Variants in FCHO1 observed in about 807,000 individuals in gnomAD.
FCHO1 encodes the protein F-BAR domain only protein 1.
Under a neutral mutation model 114.4 loss-of-function variants are expected in FCHO1, and 45 were observed. The observed-to-expected ratio is 0.39, with a 90% confidence interval of 0.31 to 0.50. The LOEUF (loss-of-function observed/expected upper bound fraction) is 0.50. FCHO1 is among the 20% of genes least tolerant of loss of function. FCHO1 has a pLI of 0.77. For synonymous variants in FCHO1, 480 were observed against 488.9 expected, an observed-to-expected ratio of 0.98 and a Z score of 0.24; for missense variants, 1,042 against 1,209.6, an observed-to-expected ratio of 0.86 and a Z score of 2.06.
At chr19:17,766,834 G>C (rs2089357651) in intron 7 of FCHO1, 24 bp downstream of exon 7, 3 of 1,604,276 alleles carry the variant, frequency 1.9e-6, no homozygotes, top group Non-Finnish European at 2.6e-6. Context: ...GCGCCGCCCA[G>C]CGGCTGGGTG....
chr19:17,749,291 G>T (rs2081354979), upstream of FCHO1, among the ~76,000 whole-genome samples: 1 of 152,200 alleles, frequency 6.6e-6, no homozygotes, highest in Non-Finnish European at 1.5e-5. Context: ...ACCTGTGTGT[G>T]TGTTTTTCCC....
chr19:17,780,012 A>C (rs1005916615), intron 20 of FCHO1, among the ~76,000 whole-genome samples: 38 of 151,860 alleles, frequency 2.5e-4, no homozygotes, highest in African/African-American at 6.8e-4. Flanking sequence ...GAAGCCCCCG[A>C]GTCAGAGGGA....
chr19:17,784,006 C>A lies in FCHO1; in HGVS notation c.2094-97C>A. The A allele has an allele frequency of 1.4e-6, 2 of 1,462,446 alleles. No individual in the cohort carries two copies. Among genetic ancestry groups the A allele is most frequent in the Non-Finnish European group, 1.9e-6 (2 of 1,072,642 alleles). The allele number at this position is 1,462,446 out of a possible 1,614,324, so 90.6% of individuals were successfully genotyped here. A position where few individuals can be genotyped will look rare whatever the true frequency, so the allele number is the denominator to read the frequency against. ...AGGGCTTTGCTGGGCCCAGGGTGGG[C>A]CAGGAAATTGCATCTTTAGGAAGGG... On this transcript the variant is annotated intron_variant, in intron 24 of 28. Transcript: ENST00000596536. This position sits in a 1 kb window ranked among gnomAD's most constrained non-coding sequence, Gnocchi z 5.3.
intron 13 of FCHO1, 65 bp downstream of exon 13, chr19:17,774,543 A>T: frequency 7.5e-7 from 1 of 1,333,156 alleles, no homozygotes; most frequent in Non-Finnish European, 1.1e-6. Flanking sequence ...TGCCCAGGCT[A>T]TCCCAGAAGT....
chr19:17,786,666 G>GGGGGGGGGGGCA, intron 27 of FCHO1, 37 bp downstream of exon 27: 1 of 497,000 alleles, frequency 2.0e-6, no homozygotes. Flanking sequence ...GGGTGGGAGG[G>GGGGGGGGGGGCA]ACTGGGGTCA....
chr19:17,769,739 A>G (rs907077164), intron 7 of FCHO1, among the ~76,000 whole-genome samples: 7 of 152,232 alleles, frequency 4.6e-5, no homozygotes, highest in African/African-American at 1.7e-4. Flanking sequence ...GTATCACAGT[A>G]ATAATTGGGG....
intron 5 of FCHO1, among the ~76,000 whole-genome samples, chr19:17,763,259 C>G (rs2087119856): frequency 1.0e-5 from 1 of 96,042 alleles, no homozygotes; most frequent in African/African-American, 3.5e-5. Flanking sequence ...CCACATCTGG[C>G]TTTTTTTTTT....
intron 3 of FCHO1, 157 bp from the exon 4 acceptor site, chr19:17,754,961 G>A: frequency 1.6e-6 from 1 of 625,170 alleles, no homozygotes; most frequent in South Asian, 1.7e-5. Flanking sequence ...GACCAGCACT[G>A]GGGCTGAATT....
At position 17,783,016 on chromosome 19, in the gene FCHO1, G is replaced by A. The variant is rs2147368880; in HGVS notation, c.1938-1G>A. 3.7e-6 allele frequency: 6 copies of A among 1,613,978 alleles called. No individual in the cohort carries two copies. Among genetic ancestry groups the A allele is most frequent in the East Asian group, 2.2e-5 (1 of 44,870 alleles). ...ACACCCAGTCCCCTCATCCTCCCTA[G>A]CTGCCTGGCTCGAGTAACTGGGGAG... On this transcript the variant is annotated splice_acceptor_variant, in intron 23 of 28. Transcript: ENST00000596536. LOFTEE classifies it high-confidence loss of function.
At chr19:17,778,954 C>T in intron 20 of FCHO1, 70 bp downstream of exon 20, 1 of 1,429,484 alleles carries the variant, frequency 7.0e-7, no homozygotes, top group Non-Finnish European at 9.2e-7. Flanking sequence ...CTGCTTTGGG[C>T]AGGGCCTGAT....
rs924032126 is a variant in FCHO1, at chr19:17,751,749, C to T, written c.-183+172C>T. Among the ~76,000 whole-genome samples the T allele has an allele frequency of 5.3e-5, 8 of 152,374 alleles. No individual in the cohort carries two copies. The highest frequency in any genetic ancestry group is 5.9e-5 in the Non-Finnish European group (4 of 68,042). Reference sequence around the variant, plus strand: ...ACCCGTTGCCCTGCCCCCCGTCCCCCATTCCAGCTGTGAGTGGTGGTTTGG... The same window carrying T: ...ACCCGTTGCCCTGCCCCCCGTCCCCTATTCCAGCTGTGAGTGGTGGTTTGG... On this transcript the variant is annotated intron_variant, in intron 1 of 28. Transcript: ENST00000596536. This position sits in a 1 kb window ranked among gnomAD's most constrained non-coding sequence, Gnocchi z 4.4.
chr19:17,775,382 G>A lies in FCHO1; in HGVS notation c.946-74G>A. On this transcript the variant is annotated intron_variant, in intron 14 of 28. Coordinates refer to ENST00000596536, the MANE Select transcript of FCHO1 (RefSeq NM_015122.3). This position sits in a 1 kb window ranked among gnomAD's most constrained non-coding sequence, Gnocchi z 5.1. ...AGTCAAGGCCTGGGGGCAGGGCGGG[G>A]GGCGGTTGGCAGGGTGAGATGGAAG... is the stretch of plus-strand genomic sequence containing the variant. The A allele has an allele frequency of 1.4e-6, 2 of 1,449,456 alleles. No individual in the cohort carries two copies. The highest frequency in any genetic ancestry group is 1.9e-6 in the Non-Finnish European group (2 of 1,031,114). The allele number at this position is 1,449,456 out of a possible 1,614,324, so 89.8% of individuals were successfully genotyped here. A position where few individuals can be genotyped will look rare whatever the true frequency, so the allele number is the denominator to read the frequency against.
At chr19:17,749,798 T>G (rs539990179), upstream of FCHO1, among the ~76,000 whole-genome samples, 1 of 152,262 alleles carries the variant, frequency 6.6e-6, no homozygotes, top group East Asian at 1.9e-4. Context: ...CATGACATAG[T>G]GGGTCATTGA....
At chr19:17,755,310 A>G in intron 4 of FCHO1, 119 bp downstream of exon 4, 1 of 923,786 alleles carries the variant, frequency 1.1e-6, no homozygotes, top group Admixed American at 2.4e-5. Flanking sequence ...TCTGCAAGGG[A>G]TGGAAGTTAA....
rs1164577896 is a variant in FCHO1 at position 17,786,604 on chromosome 19, G to A, written c.2457G>A (p.Arg819=). 1 of 1,521,064 alleles carries A rather than the reference G, an allele frequency of 6.6e-7. No individual in the cohort carries two copies. The highest frequency in any genetic ancestry group is 1.4e-5 in the African/African-American group (1 of 70,360). The allele number at this position is 1,521,064 out of a possible 1,614,324, so 94.2% of individuals were successfully genotyped here. The part of the protein sequence containing the change: ...WNLEEKRLTW[R]LPDVSEAGGS... The stretch of plus-strand genomic sequence containing the variant: ...TGGAGGAGAAGCGGCTCACTTGGAG[G>A]CTTCCAGATGTGTCCGAGGCAGGCG... The change falls in exon 27 of 29, where the codon AGG becomes AGA. Residue 819 remains arginine, a synonymous_variant. Coordinates refer to ENST00000596536, the MANE Select transcript of FCHO1 (RefSeq NM_015122.3).
rs1356731316 is a variant in FCHO1 at position 17,784,449 on chromosome 19, C to T, written c.2226+214C>T. On this transcript the variant is annotated intron_variant, in intron 25 of 28. Coordinates refer to ENST00000596536, the MANE Select transcript of FCHO1 (RefSeq NM_015122.3). This position sits in a 1 kb window ranked among gnomAD's most constrained non-coding sequence, Gnocchi z 5.3. ...TAGGCAGTGTGGAAGAGCGTGCATC[C>T]CCTGTTGCAGATAGTATGTTTATGT... is the stretch of plus-strand genomic sequence containing the variant. Among the ~76,000 whole-genome samples, 2 of 152,046 alleles carry T rather than the reference C, an allele frequency of 1.3e-5. No homozygotes were observed. Among genetic ancestry groups the T allele is most frequent in the Non-Finnish European group, 2.9e-5 (2 of 68,004 alleles).
At chr19:17,749,668 G>A (rs745910854), upstream of FCHO1, among the ~76,000 whole-genome samples, 6 of 152,100 alleles carry the variant, frequency 3.9e-5, no homozygotes, top group Non-Finnish European at 8.8e-5. Flanking sequence ...CCTGGGGCAC[G>A]TGTCTCAGTT....
At chr19:17,755,064 C>G (rs770075685) in intron 3 of FCHO1, 54 bp from the exon 4 acceptor site, 1 of 1,142,168 alleles carries the variant, frequency 8.8e-7, no homozygotes, top group African/African-American at 1.5e-5. Flanking sequence ...ACTTTCCCCC[C>G]ACCAAGCCCA....
Position 17,784,820 on chromosome 19 carries a change from C to T in FCHO1, c.2322C>T (p.Tyr774=). Residue 774 remains tyrosine (Y), a synonymous_variant, in exon 26 of 29, where the codon TAC becomes TAT. Transcript: ENST00000596536. The surrounding 1 kb of genome is among the most constrained non-coding windows in gnomAD (Gnocchi z 5.3). ...CCCAGGTCTCAGTGGAGTACGGCTA[C>T]CGGCCCGGTGCCACGGCTGTGCCCA... ...TLTQVSVEYG[Y]RPGATAVPTP... is the part of the protein sequence containing the mutation. The T allele has an allele frequency of 3.1e-6, 5 of 1,614,044 alleles. No individual in the cohort carries two copies. The highest frequency in any genetic ancestry group is 4.2e-6 in the Non-Finnish European group (5 of 1,180,044).
Sources: gnomAD v4.1 joint callset for allele counts (sites outside exome capture counted in the v4.1 genomes callset) on GRCh38, gnomAD v4.1.1 for gene constraint, Gnocchi (gnomAD v3.1) non-coding constraint, MANE v1.5 for transcripts, NCBI Gene and HGNC (gene_info 2026-07-23, HGNC 2026-07-21) for gene names.